Variants in SEMA6A observed in about 807,000 individuals in gnomAD.
SEMA6A encodes the protein semaphorin 6A.
SEMA6A carries 25 observed loss-of-function variants against 96.8 expected under a neutral mutation model. That is an observed-to-expected ratio of 0.26 (90% CI 0.19 to 0.36). SEMA6A has a LOEUF of 0.36. SEMA6A is among the 10% of genes least tolerant of loss of function. The probability of loss-of-function intolerance (pLI) is 1.00; values close to 1 mark genes in which losing one functional copy is unlikely to be tolerated. For missense variants in SEMA6A, 1,363 were observed against 1,323.1 expected, an observed-to-expected ratio of 1.03 and a Z score of -0.47; for synonymous variants, 612 against 518.0, an observed-to-expected ratio of 1.18 and a Z score of -2.46.
chr5:116,522,623 A>G (rs1333919410), intron 1 of SEMA6A, among the ~76,000 whole-genome samples: 2 of 152,276 alleles, frequency 1.3e-5, no homozygotes, highest in East Asian at 3.8e-4. Flanking sequence ...GGCAGGCCAC[A>G]GTGCAGTCTA....
chr5:116,502,239 G>C lies in SEMA6A; in HGVS notation c.189C>G (p.Ile63Met). 1 of 1,613,930 alleles carries C rather than the reference G, an allele frequency of 6.2e-7. No individual in the cohort carries two copies. The change falls in exon 3 of 19, where the codon ATC becomes ATG. Residue 63 changes from isoleucine (I) to methionine (M), a missense_variant. Physicochemically the swap from Ile to Met is conservative, Grantham distance 10 (BLOSUM62 1). Transcript: ENST00000343348. ...CAGCAATGTAGAGGGTTCCGTTCATGATCATAATCATCTGGATGTCCAGCC... is the reference window on the plus strand; with the variant it reads ...CAGCAATGTAGAGGGTTCCGTTCATCATCATAATCATCTGGATGTCCAGCC... ...RHRLDIQMIM[I>M]MNGTLYIAAR...
chr5:116,541,832 C>A (rs556606485), intron 1 of SEMA6A, among the ~76,000 whole-genome samples: 1 of 151,220 alleles, frequency 6.6e-6, no homozygotes, highest in Non-Finnish European at 1.5e-5. Flanking sequence ...GACTCCATCT[C>A]AAAACAAACA....
At chr5:116,501,821 AG>A (rs1362465201) in intron 3 of SEMA6A, among the ~76,000 whole-genome samples, 1 of 152,192 alleles carries the variant, frequency 6.6e-6, no homozygotes, top group East Asian at 1.9e-4. Flanking sequence ...CAGGAGAGGG[AG>A]GCTTCAGTGA....
intron 7 of SEMA6A, among the ~76,000 whole-genome samples, chr5:116,489,608 T>A (rs1436325737): frequency 1.3e-5 from 2 of 152,200 alleles, no homozygotes; most frequent in Non-Finnish European, 2.9e-5. Context: ...ATAACAGGTA[T>A]TTGCTTCCGC....
intron 1 of SEMA6A, 80 bp from the exon 2 acceptor site, chr5:116,505,062 T>C: frequency 1.5e-6 from 1 of 655,592 alleles, no homozygotes; most frequent in South Asian, 2.1e-5. Context: ...GAAAGATAAA[T>C]TCGAGAGAAA....
chr5:116,480,182 A>T lies in SEMA6A; in HGVS notation c.1190T>A (p.Leu397His). The T allele has an allele frequency of 6.2e-7, 1 of 1,613,876 alleles. No individual in the cohort carries two copies. Among genetic ancestry groups the T allele is most frequent in the Non-Finnish European group, 8.5e-7 (1 of 1,179,802 alleles). ...GATGGAGGGCACTGCCTCATCCATGAGCGGGTGCGTCTTGATGAAGTTCAG... is the reference window on the plus strand; with the variant it reads ...GATGGAGGGCACTGCCTCATCCATGTGCGGGTGCGTCTTGATGAAGTTCAG... Reference protein sequence around the residue: ...DTLNFIKTHPLMDEAVPSIFN... With the variant: ...DTLNFIKTHPHMDEAVPSIFN... Residue 397 changes from leucine to histidine, a missense_variant, in exon 12 of 19, where the codon CTC (leucine) becomes CAC (histidine). Leu to His is a moderately conservative substitution (Grantham distance 99). Around this residue, in one of 2 missense-constraint regions of SEMA6A, gnomAD observed 480 missense variants for 559.5 expected, o/e 0.86. Transcript: ENST00000343348.
chr5:116,485,755 C>T (rs75916710), intron 10 of SEMA6A, among the ~76,000 whole-genome samples: 1 of 152,168 alleles, frequency 6.6e-6, no homozygotes, highest in Non-Finnish European at 1.5e-5. Context: ...GAGGAACATA[C>T]TCAATACAGA....
At position 116,467,671 on chromosome 5, in the gene SEMA6A, T is replaced by A. The variant is rs774104019; in HGVS notation, c.1806A>T (p.Gly602=). The stretch of plus-strand genomic sequence containing the variant: ...CAAGCAGATGCTTCCAGTCCAGCAT[T>A]CCTCCCCTAGACTCATACCCCTCTT... ...TAQEGYESRG[G]MLDWKHLLDS... is the part of the protein sequence containing the mutation. The change falls in exon 18 of 19, where the codon GGA becomes GGT. Residue 602 remains glycine, a synonymous_variant. Coordinates refer to ENST00000343348, the MANE Select transcript of SEMA6A (RefSeq NM_020796.5). 5 of 1,613,612 alleles carry A rather than the reference T, an allele frequency of 3.1e-6. No individual in the cohort carries two copies. The Admixed American group carries it at 8.3e-5, about 27-fold the overall frequency.
intron 15 of SEMA6A, among the ~76,000 whole-genome samples, 162 bp downstream of exon 15, chr5:116,477,684 G>T (rs1395470070): frequency 6.6e-6 from 1 of 152,184 alleles, no homozygotes; most frequent in African/African-American, 2.4e-5. Flanking sequence ...ATGTGGTGAG[G>T]CTCTATGAAA....
chr5:116,493,171 A>G (rs1318074797), intron 6 of SEMA6A, among the ~76,000 whole-genome samples: 2 of 152,186 alleles, frequency 1.3e-5, no homozygotes. Context: ...TGGAACATGT[A>G]CAGGAAGAAT....
chr5:116,573,028 G>A (rs1761291927), intron 1 of SEMA6A, among the ~76,000 whole-genome samples: 1 of 152,216 alleles, frequency 6.6e-6, no homozygotes, highest in African/African-American at 2.4e-5. Context: ...CTCCCCCCGT[G>A]CCGCTCGGGT....
intron 1 of SEMA6A, among the ~76,000 whole-genome samples, chr5:116,545,930 T>C (rs1760168080): frequency 6.6e-6 from 1 of 152,352 alleles, no homozygotes; most frequent in Admixed American, 6.5e-5. Flanking sequence ...GCAGGGTTAA[T>C]GGCATAAGTC....
In SEMA6A at chr5:116,444,388, C is replaced by G. The variant is rs1754061059; in HGVS notation, c.*2225G>C. The G allele has an allele frequency of 2.0e-5, 3 of 152,164 alleles. 1 individual carries two copies. The highest frequency in any genetic ancestry group is 2.1e-4 in the South Asian group (1 of 4,818). The allele number at this position is 152,164 out of a possible 1,614,324, so 9.4% of individuals were successfully genotyped here. On this transcript the variant is annotated 3_prime_UTR_variant, in exon 19 of 19. Coordinates refer to ENST00000343348, the MANE Select transcript of SEMA6A (RefSeq NM_020796.5). ...TATGGAGGCTCCACTTTTTCACTAT[C>G]CAACTCAAAACTGTCATTGTCAGTC...
At chr5:116,562,748 G>C (rs899472299) in intron 1 of SEMA6A, 2 of 733,308 alleles carry the variant, frequency 2.7e-6, no homozygotes, top group Non-Finnish European at 2.6e-6. Flanking sequence ...GAAGGTGAAG[G>C]CAGACCGAGA....
chr5:116,530,850 T>A (rs1326930001), intron 1 of SEMA6A, among the ~76,000 whole-genome samples: 3 of 152,210 alleles, frequency 2.0e-5, no homozygotes, highest in African/African-American at 7.2e-5. Context: ...AGGAATTTAT[T>A]TTTGCAAAGT....
intron 16 of SEMA6A, among the ~76,000 whole-genome samples, chr5:116,474,276 ATG>A (rs1491123656): frequency 1.5e-5 from 2 of 133,794 alleles, no homozygotes; most frequent in Non-Finnish European, 1.6e-5. Context: ...GCGTGCACGC[ATG>A]CACACACACA....
At chr5:116,448,945 G>T (rs1221817489) in intron 18 of SEMA6A, among the ~76,000 whole-genome samples, 1 of 152,088 alleles carries the variant, frequency 6.6e-6, no homozygotes, top group African/African-American at 2.4e-5. Flanking sequence ...GGATTTTTCA[G>T]CAGAGCTAAT....
chr5:116,534,479 G>C (rs577270009), intron 1 of SEMA6A, among the ~76,000 whole-genome samples: 1 of 152,080 alleles, frequency 6.6e-6, no homozygotes, highest in African/African-American at 2.4e-5. Flanking sequence ...AGCACACTCC[G>C]CTCCCTCTCC....
intron 1 of SEMA6A, among the ~76,000 whole-genome samples, chr5:116,547,930 TC>T (rs1760253313): frequency 1.3e-5 from 2 of 152,138 alleles, no homozygotes; most frequent in Non-Finnish European, 2.9e-5. Flanking sequence ...TAATGCCATC[TC>T]CAAAAGTGCT....
Sources: allele counts gnomAD v4.1 joint callset (sites outside exome capture counted in the v4.1 genomes callset), GRCh38; gene constraint gnomAD v4.1.1; regional missense constraint gnomAD v4.1.1; transcripts MANE v1.5; gene names NCBI Gene and HGNC (gene_info 2026-07-23, HGNC 2026-07-21).